The following SMYD4 variants were observed in gnomAD, a reference collection of about 807,000 sequenced individuals.
The protein encoded by SMYD4 is protein-lysine N-methyltransferase SMYD4.
In SMYD4, 68 loss-of-function variants were observed where a neutral mutation model predicts 72.8. The ratio of observed to expected loss-of-function variants is 0.93; its 90% CI spans 0.77 to 1.14. The LOEUF (loss-of-function observed/expected upper bound fraction) is 1.14, where lower values mean the gene tolerates loss of function less well. Among genes scored for constraint, SMYD4 ranks in the 50% most tolerant of loss-of-function variants. SMYD4 has a pLI of 0.00. For synonymous variants in SMYD4, 407 were observed against 388.6 expected (o/e 1.05, Z -0.56); for missense variants, 984 against 1,003.7 (o/e 0.98, Z 0.27).
chr17:1,810,322 C>T (rs1912447779), intron 3 of SMYD4, among the ~76,000 whole-genome samples: 1 of 151,932 alleles, frequency 6.6e-6, no homozygotes, highest in African/African-American at 2.4e-5. Context: ...ACTCTGTCAC[C>T]CAGGGTAGTG....
At chr17:1,783,837 G>A in intron 8 of SMYD4, 1 of 330,466 alleles carries the variant, frequency 3.0e-6, no homozygotes, top group South Asian at 3.5e-5. Flanking sequence ...ATGATGTCAA[G>A]CTCTAAGGCA....
intron 2 of SMYD4, among the ~76,000 whole-genome samples, chr17:1,813,571 C>A (rs114557497): frequency 1.3e-5 from 2 of 152,022 alleles, no homozygotes; most frequent in South Asian, 4.2e-4. Context: ...TGAGCCACCA[C>A]GCCCAGCTAA....
rs59420310 is a variant in SMYD4, at chr17:1,794,105, A to ATT, written c.1537+5750_1537+5751dup. ...TGTATATATATATATATATATATATATTTTTTTTTTTTTTTTTTTTTTGAG... is the reference window on the plus strand; with the variant it reads ...TGTATATATATATATATATATATATATTTTTTTTTTTTTTTTTTTTTTTTGAG... On this transcript the variant is annotated intron_variant, in intron 5 of 10. Coordinates refer to ENST00000305513, the MANE Select transcript of SMYD4 (RefSeq NM_052928.3). Among the ~76,000 whole-genome samples, 9 of 12,990 alleles carry ATT rather than the reference A, an allele frequency of 6.9e-4. 1 individual carries two copies. Among genetic ancestry groups the ATT allele is most frequent in the African/African-American group, 1.5e-3 (4 of 2,750 alleles). 8.5% of individuals were successfully genotyped at this position (12,990 alleles called of 152,430 possible).
At chr17:1,796,190 T>G (rs1408195844) in intron 5 of SMYD4, among the ~76,000 whole-genome samples, 1 of 151,968 alleles carries the variant, frequency 6.6e-6, no homozygotes, top group African/African-American at 2.4e-5. Context: ...TCTAGTGCAG[T>G]GGCGCAACTC....
intron 5 of SMYD4, among the ~76,000 whole-genome samples, chr17:1,794,778 T>G (rs1034011516): frequency 6.6e-6 from 1 of 151,946 alleles, no homozygotes; most frequent in African/African-American, 2.4e-5. Context: ...TCAAGATGAA[T>G]TTAGAATGTT....
In SMYD4 at chr17:1,827,919, T is replaced by A. The variant is rs1241559026; in HGVS notation, c.76A>T (p.Thr26Ser). The A allele has an allele frequency of 1.2e-6, 2 of 1,613,518 alleles. No individual in the cohort carries two copies. The highest frequency in any genetic ancestry group is 1.7e-6 in the Non-Finnish European group (2 of 1,179,550). ...CTCAAGGTCTCTGCTGTAGAAATTG[T>A]GACCTGAACAGACGTCGGGAGTGAA... The part of the protein sequence containing the change: ...WASLPTSVQV[T>S]ISTAETLRDI... The change falls in exon 2 of 11, where the codon ACA becomes TCA. Residue 26 changes from threonine (T) to serine (S), a missense_variant. Transcript: ENST00000305513.
At position 1,800,682 on chromosome 17, in the gene SMYD4, A is replaced by G. The variant is rs763213960; in HGVS notation, c.712T>C (p.Cys238Arg). Reference protein sequence around the residue: ...LSNASSSIGLCVDPLKGRCLV... With the variant: ...LSNASSSIGLRVDPLKGRCLV... The stretch of plus-strand genomic sequence containing the variant: ...CAGCGACCTTTTAAAGGATCTACGC[A>G]TAAGCCGATGGATGATGAGGCATTG... The change falls in exon 5 of 11, where the codon TGC becomes CGC. Residue 238 changes from cysteine to arginine, a missense_variant. Physicochemically the swap from Cys to Arg is radical, Grantham distance 180. Coordinates refer to ENST00000305513, the MANE Select transcript of SMYD4 (RefSeq NM_052928.3). 1 of 1,614,238 alleles carries G rather than the reference A, an allele frequency of 6.2e-7. No homozygotes were observed.
At position 1,827,920 on chromosome 17, in the gene SMYD4, G is replaced by A. The variant is rs1333113408; in HGVS notation, c.75C>T (p.Val25=). ...TCAAGGTCTCTGCTGTAGAAATTGT[G>A]ACCTGAACAGACGTCGGGAGTGAAG... ...KWASLPTSVQ[V]TISTAETLRD... Residue 25 remains valine (V), a synonymous_variant, in exon 2 of 11, where the codon GTC becomes GTT. Coordinates refer to ENST00000305513, the MANE Select transcript of SMYD4 (RefSeq NM_052928.3). 6.2e-7 allele frequency: 1 copy of A among 1,613,606 alleles called. No homozygotes were observed. The highest frequency in any genetic ancestry group is 8.5e-7 in the Non-Finnish European group (1 of 1,179,552).
At chr17:1,794,772 G>A (rs1167924836) in intron 5 of SMYD4, among the ~76,000 whole-genome samples, 1 of 150,424 alleles carries the variant, frequency 6.6e-6, no homozygotes, top group East Asian at 1.9e-4. Context: ...ATTTATTCAA[G>A]ATGAATTTAG....
At chr17:1,810,370 C>T (rs1910267126) in intron 3 of SMYD4, among the ~76,000 whole-genome samples, 1 of 152,096 alleles carries the variant, frequency 6.6e-6, no homozygotes, top group Non-Finnish European at 1.5e-5. Context: ...AAACCCATCT[C>T]TACTAAAAAT....
rs771438182 is a variant in SMYD4 at position 1,804,670 on chromosome 17, G to A, written c.325C>T (p.His109Tyr). 4.3e-6 allele frequency: 7 copies of A among 1,613,680 alleles called. No homozygotes were observed. Among genetic ancestry groups the A allele is most frequent in the Admixed American group, 3.3e-5 (2 of 59,986 alleles). The part of the protein sequence containing the change: ...RPNTEDMSLC[H>Y]ANRSAALFHL... ...AAGAGGGCTGCCGAGCGGTTAGCAT[G>A]ACACAGTGACATGTCCTCAGTGTTA... is the stretch of plus-strand genomic sequence containing the variant. Residue 109 changes from histidine to tyrosine, a missense_variant, in exon 4 of 11, where the codon CAT becomes TAT. Physicochemically the swap from His to Tyr is moderately conservative, Grantham distance 83. Transcript: ENST00000305513.
At chr17:1,807,520 G>A (rs1910104906) in intron 3 of SMYD4, among the ~76,000 whole-genome samples, 1 of 151,342 alleles carries the variant, frequency 6.6e-6, no homozygotes, top group South Asian at 2.1e-4. Context: ...GCCCCACCAC[G>A]CCCAGCTAAT....
intron 3 of SMYD4, 142 bp downstream of exon 3, chr17:1,811,829 A>T: frequency 1.2e-6 from 1 of 814,406 alleles, no homozygotes; most frequent in Non-Finnish European, 1.9e-6. Flanking sequence ...CAGGAGACTA[A>T]GGTGGGAGGA....
At position 1,804,607 on chromosome 17, in the gene SMYD4, C is replaced by T. The variant is rs75004369; in HGVS notation, c.369+19G>A. ...CCCTCCGGATCCTGTCCTCTCATAC[C>T]AGGTATCCTGATACTCACCTCATAC... On this transcript the variant is annotated intron_variant, in intron 4 of 10. Transcript: ENST00000305513. 305 of 1,611,000 alleles carry T rather than the reference C, an allele frequency of 1.9e-4. No homozygotes were observed. In the East Asian group the frequency reaches 6.0e-3, roughly 32 times the overall value.
intron 2 of SMYD4, among the ~76,000 whole-genome samples, chr17:1,819,659 G>A (rs141204647): frequency 2.3e-3 from 347 of 152,234 alleles, no homozygotes; most frequent in African/African-American, 7.9e-3. Context: ...ACAAAATGGC[G>A]ATTTTTCTAA....
chr17:1,812,460 T>A (rs1487256606), intron 2 of SMYD4, among the ~76,000 whole-genome samples: 2 of 151,652 alleles, frequency 1.3e-5, no homozygotes, highest in African/African-American at 2.4e-5. Context: ...GCCTGGCTAA[T>A]GTTTGTACTT....
chr17:1,792,078 G>A (rs1050453274), intron 5 of SMYD4, among the ~76,000 whole-genome samples: 3 of 149,648 alleles, frequency 2.0e-5, no homozygotes, highest in Admixed American at 6.7e-5. Flanking sequence ...TCGCTCTGTC[G>A]CCCAGGCTGG....
intron 5 of SMYD4, among the ~76,000 whole-genome samples, chr17:1,794,555 A>G (rs1006876205): frequency 2.6e-5 from 4 of 152,068 alleles, no homozygotes; most frequent in Non-Finnish European, 5.9e-5. Flanking sequence ...GACTACATAA[A>G]TGTTCACTTA....
At chr17:1,815,055 T>G (rs1248480264) in intron 2 of SMYD4, among the ~76,000 whole-genome samples, 1 of 151,774 alleles carries the variant, frequency 6.6e-6, no homozygotes. Flanking sequence ...GATTATGAAC[T>G]CAATGTCTTT....
Sources: gnomAD v4.1 joint callset for allele counts (sites outside exome capture counted in the v4.1 genomes callset) on GRCh38, gnomAD v4.1.1 for gene constraint, MANE v1.5 for transcripts, NCBI Gene and HGNC (gene_info 2026-07-23, HGNC 2026-07-21) for gene names.